Variants in LINS1 observed in about 807,000 individuals in gnomAD.
LINS1 encodes the protein protein Lines homolog 1.
LINS1 carries 27 observed loss-of-function variants against 41.6 expected under a neutral mutation model. That is an observed-to-expected ratio of 0.65 (90% CI 0.48 to 0.89). The LOEUF is 0.89. Among genes scored for constraint, LINS1 ranks in the 40% least tolerant of loss-of-function variants. LINS1 has a pLI of 0.00. For synonymous variants in LINS1, 336 were observed against 312.9 expected (o/e 1.07, Z -0.78); for missense variants, 955 against 884.1 (o/e 1.08, Z -1.02).
chr15:100,581,562 C>T (rs1596925232), intron 1 of LINS1, among the ~76,000 whole-genome samples: 1 of 152,162 alleles, frequency 6.6e-6, no homozygotes, highest in African/African-American at 2.4e-5. Context: ...GGATCAACAT[C>T]AGAAGCAGCA....
At chr15:100,579,826 C>G (rs1432591345) in intron 3 of LINS1, among the ~76,000 whole-genome samples, 1 of 152,070 alleles carries the variant, frequency 6.6e-6, no homozygotes, top group Non-Finnish European at 1.5e-5. Flanking sequence ...GGGAAGGGGT[C>G]CACCTACTAG....
intron 3 of LINS1, chr15:100,576,696 C>A (rs2038204663): frequency 6.6e-6 from 1 of 152,234 alleles, no homozygotes; most frequent in Non-Finnish European, 1.5e-5. Context: ...CATCCTGATA[C>A]CAAAGCCTGG....
At chr15:100,573,019 G>A (rs578018108) in intron 5 of LINS1, 1 of 167,236 alleles carries the variant, frequency 6.0e-6, no homozygotes, top group Non-Finnish European at 1.2e-5. Context: ...TAAATAAACA[G>A]TAAACACAAC....
Position 100,570,098 on chromosome 15 carries a change from T to C in LINS1, c.1414A>G (p.Ser472Gly), listed in dbSNP as rs142416388. 2.6e-5 allele frequency: 41 copies of C among 1,586,410 alleles called. 1 individual carries two copies. The African/African-American group carries it at 5.1e-4, about 20-fold the overall frequency. Residue 472 changes from serine to glycine, a missense_variant, in exon 7 of 7, where the codon AGC becomes GGC. Transcript: ENST00000314742. Reference sequence around the variant, plus strand: ...CACATTTCTTTTCCCTGAGTCAAGCTTTCAGTGGCTTCACATCCTCTGAAA... The same window carrying C: ...CACATTTCTTTTCCCTGAGTCAAGCCTTCAGTGGCTTCACATCCTCTGAAA... ...TLTRGCEATE[S>G]LTQGKEMWDH... is the part of the protein sequence containing the mutation.
Position 100,580,611 on chromosome 15 carries a change from T to A in LINS1, c.232A>T (p.Thr78Ser), listed in dbSNP as rs749797818. 5 of 1,614,000 alleles carry A rather than the reference T, an allele frequency of 3.1e-6. No individual in the cohort carries two copies. Among genetic ancestry groups the A allele is most frequent in the Non-Finnish European group, 4.2e-6 (5 of 1,179,954 alleles). Reference protein sequence around the residue: ...PIAVAPVCLKTNSQMSGSREV... With the variant: ...PIAVAPVCLKSNSQMSGSREV... ...CTGGAACCGCTCATCTGAGAGTTGG[T>A]CTTCAAACACACAGGTGCTACAGCA... Residue 78 changes from threonine to serine, a missense_variant, in exon 2 of 7, where the codon ACC becomes TCC. Transcript: ENST00000314742.
chr15:100,599,758 T>C (rs543595251), intron 1 of LINS1, among the ~76,000 whole-genome samples: 13 of 152,330 alleles, frequency 8.5e-5, no homozygotes, highest in Non-Finnish European at 1.5e-4. Context: ...TACATTATAT[T>C]TGAACTGTTA....
chr15:100,599,440 T>C (rs1350086234), intron 1 of LINS1, among the ~76,000 whole-genome samples: 4 of 152,220 alleles, frequency 2.6e-5, no homozygotes, highest in Non-Finnish European at 4.4e-5. Context: ...TGAAAATGGT[T>C]GTTTAACTCA....
In LINS1 at chr15:100,568,590, C is replaced by T. The variant is rs767827726; in HGVS notation, c.*648G>A. ...CCCTGAGGGCATTGCCCTGCTGAAG[C>T]CTGAGTTTGGATTCTGGCCTCCAAA... On this transcript the variant is annotated 3_prime_UTR_variant, in exon 7 of 7. Coordinates refer to ENST00000314742, the MANE Select transcript of LINS1 (RefSeq NM_001040616.3). 6.6e-6 allele frequency: 1 copy of T among 152,480 alleles called. No homozygotes were observed. The highest frequency in any genetic ancestry group is 6.5e-5 in the Admixed American group (1 of 15,306). 9.4% of individuals were successfully genotyped at this position (152,480 alleles called of 1,614,324 possible). A position where few individuals can be genotyped will look rare whatever the true frequency, so the allele number is the denominator to read the frequency against.
Position 100,569,148 on chromosome 15 carries a change from CT to C in LINS1, c.*89del. On this transcript the variant is annotated 3_prime_UTR_variant, in exon 7 of 7. Transcript: ENST00000314742. Reference sequence around the variant, plus strand: ...AAAAAAAAAAAAAAAAAAGAAAACCCTTTTATGGTGATGATTTTATACTATT... The same window carrying C: ...AAAAAAAAAAAAAAAAAAGAAAACCCTTTATGGTGATGATTTTATACTATT... 1.2e-6 allele frequency: 1 copy of C among 830,792 alleles called. No individual in the cohort carries two copies. The highest frequency in any genetic ancestry group is 1.9e-6 in the Non-Finnish European group (1 of 526,988). The allele number at this position is 830,792 out of a possible 1,614,324, so 51.5% of individuals were successfully genotyped here.
chr15:100,572,250 G>C (rs948558905), intron 5 of LINS1, 185 bp from the exon 6 acceptor site: 1 of 1,413,780 alleles, frequency 7.1e-7, no homozygotes, highest in Non-Finnish European at 9.2e-7. Flanking sequence ...TGAGGCTCAG[G>C]GAAAAAAAGT....
chr15:100,592,253 CTTTG>C (rs1480969388), intron 1 of LINS1, among the ~76,000 whole-genome samples: 1 of 152,216 alleles, frequency 6.6e-6, no homozygotes, highest in African/African-American at 2.4e-5. Context: ...TCTTTCTTTG[CTTTG>C]TTTGTATGTT....
At chr15:100,587,397 A>C (rs2038858149) in intron 1 of LINS1, among the ~76,000 whole-genome samples, 1 of 152,030 alleles carries the variant, frequency 6.6e-6, no homozygotes, top group South Asian at 2.1e-4. Context: ...AAGGAAACTG[A>C]ATTGTGTAAT....
intron 1 of LINS1, among the ~76,000 whole-genome samples, chr15:100,590,407 A>G (rs948133698): frequency 2.0e-5 from 3 of 152,234 alleles, no homozygotes; most frequent in African/African-American, 7.2e-5. Context: ...ATCAGTCAGA[A>G]ACAGAACATT....
At chr15:100,573,225 G>A in intron 5 of LINS1, 1 of 285,506 alleles carries the variant, frequency 3.5e-6, no homozygotes, top group Non-Finnish European at 5.5e-6. Flanking sequence ...CCCAGGCTAG[G>A]ACCTCCCAGG....
chr15:100,583,672 C>A (rs1173032792), intron 1 of LINS1, among the ~76,000 whole-genome samples: 1 of 152,208 alleles, frequency 6.6e-6, no homozygotes, highest in Non-Finnish European at 1.5e-5. Flanking sequence ...CCAAATAGGA[C>A]CTACTTCTAC....
At chr15:100,586,988 G>A (rs1249471099) in intron 1 of LINS1, among the ~76,000 whole-genome samples, 1 of 151,696 alleles carries the variant, frequency 6.6e-6, no homozygotes, top group African/African-American at 2.4e-5. Context: ...GTAAAACCCT[G>A]TCTCTACTAA....
intron 1 of LINS1, among the ~76,000 whole-genome samples, chr15:100,585,414 T>C (rs1030087098): frequency 6.6e-6 from 1 of 152,240 alleles, no homozygotes; most frequent in East Asian, 1.9e-4. Context: ...ATCCAGGCTT[T>C]TGTGCTGCTG....
chr15:100,576,190 G>C (rs145774685), intron 3 of LINS1, among the ~76,000 whole-genome samples: 12,099 of 152,160 alleles, frequency 0.08, 700 homozygotes, highest in Non-Finnish European at 0.13. Flanking sequence ...AGAACTGAAG[G>C]AGATAGAGAC....
chr15:100,577,024 T>C (rs2038227615), intron 3 of LINS1, among the ~76,000 whole-genome samples: 1 of 152,156 alleles, frequency 6.6e-6, no homozygotes, highest in Non-Finnish European at 1.5e-5. Context: ...ATGGGACGTA[T>C]CTAAAAATAA....
Sources: gnomAD v4.1 joint callset for allele counts (sites outside exome capture counted in the v4.1 genomes callset) on GRCh38, gnomAD v4.1.1 for gene constraint, MANE v1.5 for transcripts, NCBI Gene and HGNC (gene_info 2026-07-23, HGNC 2026-07-21) for gene names.